SKOR2: variants seen among roughly 807,000 people sequenced by gnomAD.
SKOR2 encodes LBX1 corepressor 1-like protein.
Under a neutral mutation model 69.1 loss-of-function variants are expected in SKOR2, and 47 were observed. The observed-to-expected ratio is 0.68, with a 90% CI of 0.54 to 0.87. The LOEUF (loss-of-function observed/expected upper bound fraction) is 0.87, where lower values mean the gene tolerates loss of function less well. Ranked by LOEUF, SKOR2 falls within the 40% of genes least tolerant of loss-of-function variation. The pLI is 0.00. For missense variants in SKOR2, 1,404 were observed against 1,472.2 expected, an observed-to-expected ratio of 0.95 and a Z score of 0.76; for synonymous variants, 717 against 672.6, an observed-to-expected ratio of 1.07 and a Z score of -1.02.
intron 4 of SKOR2, among the ~76,000 whole-genome samples, chr18:47,232,253 C>T (rs1238891646): frequency 2.0e-5 from 3 of 152,194 alleles, no homozygotes; most frequent in South Asian, 2.1e-4. Flanking sequence ...TATCTCTTAA[C>T]TGCTCTTCCT....
In SKOR2 at chr18:47,246,795, C is replaced by T. The variant is rs968480059; in HGVS notation, c.2389G>A (p.Gly797Arg). Residue 797 changes from glycine to arginine, a missense_variant, in exon 2 of 9, where the codon GGG becomes AGG. By Grantham distance (125) the Gly-to-Arg change is moderately radical. Coordinates refer to ENST00000425639, the MANE Select transcript of SKOR2 (RefSeq NM_001278063.4). ...FLQGRGPSEKGSSRDRAPAVA... is the reference protein window; with the variant it reads ...FLQGRGPSEKRSSRDRAPAVA... Reference sequence around the variant, plus strand: ...GCCGGCGCGCGGTCCCGGCTGCTCCCCTTCTCCGACGGCCCTCGGCCCTGG... The same window carrying T: ...GCCGGCGCGCGGTCCCGGCTGCTCCTCTTCTCCGACGGCCCTCGGCCCTGG... The T allele has an allele frequency of 7.1e-7, 1 of 1,414,274 alleles. No individual in the cohort carries two copies. The highest frequency in any genetic ancestry group is 9.1e-7 in the Non-Finnish European group (1 of 1,093,538). 87.6% of individuals were successfully genotyped at this position (1,414,274 alleles called of 1,614,324 possible). A position where few individuals can be genotyped will look rare whatever the true frequency, so the allele number is the denominator to read the frequency against.
intron 8 of SKOR2, among the ~76,000 whole-genome samples, chr18:47,210,749 T>C (rs997185252): frequency 6.6e-6 from 1 of 152,162 alleles, no homozygotes; most frequent in Non-Finnish European, 1.5e-5. Context: ...AATAACTTCA[T>C]AGAGATGGAA....
At chr18:47,224,859 A>G (rs916179491) in intron 6 of SKOR2, among the ~76,000 whole-genome samples, 1 of 152,076 alleles carries the variant, frequency 6.6e-6, no homozygotes, top group Non-Finnish European at 1.5e-5. Context: ...GGCTCAAGCA[A>G]TCCTCCTGCC....
chr18:47,247,174 C>CG lies in SKOR2; in HGVS notation c.2009dup (p.Gln671AlafsTer94). ...GCAGCAGAAGCGGCGACGGCGGCTGCGGGGGGTGGTGGTGGTGGTGGTGGT... is the reference window on the plus strand; with the variant it reads ...GCAGCAGAAGCGGCGACGGCGGCTGCGGGGGGGTGGTGGTGGTGGTGGTGGT... On this transcript the variant is annotated frameshift_variant, in exon 2 of 9. Coordinates refer to ENST00000425639, the MANE Select transcript of SKOR2 (RefSeq NM_001278063.4). LOFTEE classifies it high-confidence loss of function. This position sits in a 1 kb window ranked among gnomAD's most constrained non-coding sequence, Gnocchi z 6.6. 1 of 345,056 alleles carries CG rather than the reference C, an allele frequency of 2.9e-6. No individual in the cohort carries two copies. Among genetic ancestry groups the CG allele is most frequent in the South Asian group, 7.0e-5 (1 of 14,328 alleles). 21.4% of individuals were successfully genotyped at this position (345,056 alleles called of 1,614,324 possible).
intron 4 of SKOR2, among the ~76,000 whole-genome samples, chr18:47,239,417 G>GA (rs543977489): frequency 4.7e-5 from 7 of 150,346 alleles, no homozygotes; most frequent in African/African-American, 7.3e-5. Flanking sequence ...CTCCATTAGT[G>GA]AAAAAAAAAG....
In SKOR2 at chr18:47,246,633, T is replaced by TGCCGCC. The variant is rs1256301376; in HGVS notation, c.2545_2550dup (p.Gly849_Gly850dup). On this transcript the variant is annotated inframe_insertion, in exon 2 of 9. Coordinates refer to ENST00000425639, the MANE Select transcript of SKOR2 (RefSeq NM_001278063.4). ...TGAACTGGGCTGCCCGGGCTGCTGCTGCCGCCGCCACTCGCCTTCTGGGGG... is the reference window on the plus strand; with the variant it reads ...TGAACTGGGCTGCCCGGGCTGCTGCTGCCGCCGCCGCCGCCACTCGCCTTCTGGGGG... 2 of 1,517,138 alleles carry TGCCGCC rather than the reference T, an allele frequency of 1.3e-6. No homozygotes were observed. The highest frequency in any genetic ancestry group is 1.8e-6 in the Non-Finnish European group (2 of 1,138,698). 94.0% of individuals were successfully genotyped at this position (1,517,138 alleles called of 1,614,324 possible).
At chr18:47,236,090 T>A (rs1162530193) in intron 4 of SKOR2, among the ~76,000 whole-genome samples, 3 of 152,168 alleles carry the variant, frequency 2.0e-5, no homozygotes, top group Non-Finnish European at 1.5e-5. Context: ...GCTCAGGTAA[T>A]CCTCTCACCT....
rs1056554363 is a variant in SKOR2 at position 47,248,323 on chromosome 18, C to T, written c.861G>A (p.Pro287=). ...CCAAGGGCGGCGGTGGCGGCGGCGG[C>T]GGCGGGGGCGCACCCAGCAGGTGGG... ...LGPHLLGAPP[P]PPPPPPPLAE... The change falls in exon 2 of 9, where the codon CCG becomes CCA. Residue 287 remains proline (P), a synonymous_variant. Transcript: ENST00000425639. The surrounding 1 kb of genome is among the most constrained non-coding windows in gnomAD (Gnocchi z 6.4). The T allele has an allele frequency of 2.9e-5, 35 of 1,198,578 alleles. No homozygotes were observed. The highest frequency in any genetic ancestry group is 4.5e-5 in the Admixed American group (1 of 22,186). 74.2% of individuals were successfully genotyped at this position (1,198,578 alleles called of 1,614,324 possible). A position where few individuals can be genotyped will look rare whatever the true frequency, so the allele number is the denominator to read the frequency against.
chr18:47,207,741 T>C (rs2064117170), intron 8 of SKOR2, among the ~76,000 whole-genome samples: 3 of 152,192 alleles, frequency 2.0e-5, no homozygotes, highest in Admixed American at 6.6e-5. Context: ...CCAATATCCT[T>C]TTTTAAAAGA....
intron 7 of SKOR2, among the ~76,000 whole-genome samples, chr18:47,217,748 C>T (rs1310320477): frequency 6.7e-6 from 1 of 149,904 alleles, no homozygotes; most frequent in Non-Finnish European, 1.5e-5. Context: ...GGGGAAGAAG[C>T]AGGAGGGACA....
In SKOR2 at chr18:47,247,046, T is replaced by C. The variant is rs1450648812; in HGVS notation, c.2138A>G (p.His713Arg). ...TCCCCCGGGAGACAGAAGGCCTCGG[T>C]GGTGCGGGTGCTGGGCCAGAGGGGG... ...PPPPLAQHPH[H>R]RGLLSPGGTS... Residue 713 changes from histidine (H) to arginine (R), a missense_variant, in exon 2 of 9, where the codon CAC becomes CGC. Transcript: ENST00000425639. This position sits in a 1 kb window ranked among gnomAD's most constrained non-coding sequence, Gnocchi z 6.6. The C allele has an allele frequency of 1.9e-5, 26 of 1,400,824 alleles. No individual in the cohort carries two copies. In the Admixed American group the frequency reaches 5.6e-4, roughly 30 times the overall value. The allele number at this position is 1,400,824 out of a possible 1,614,324, so 86.8% of individuals were successfully genotyped here.
rs1383341439 is a variant in SKOR2 at position 47,248,341 on chromosome 18, C to A, written c.843G>T (p.Leu281=). 4.6e-5 allele frequency: 56 copies of A among 1,210,368 alleles called. No homozygotes were observed. Among genetic ancestry groups the A allele is most frequent in the Non-Finnish European group, 5.6e-5 (55 of 977,950 alleles). The allele number at this position is 1,210,368 out of a possible 1,614,324, so 75.0% of individuals were successfully genotyped here. ...AGGGGLLGPH[L]LGAPPPPPPP... ...GCGGCGGCGGCGGGGGCGCACCCAGCAGGTGGGGGCCCAGCAGACCCCCGC... is the reference window on the plus strand; with the variant it reads ...GCGGCGGCGGCGGGGGCGCACCCAGAAGGTGGGGGCCCAGCAGACCCCCGC... Residue 281 remains leucine, a synonymous_variant, in exon 2 of 9, where the codon CTG becomes CTT. Transcript: ENST00000425639. The surrounding 1 kb of genome is among the most constrained non-coding windows in gnomAD (Gnocchi z 6.4).
In SKOR2 at chr18:47,241,725, TTATTTTGA is replaced by T. The variant is rs1220724821; in HGVS notation, c.2752+3175_2752+3182del. 4.6e-5 allele frequency among the ~76,000 whole-genome samples: 7 copies of T among 152,344 alleles called. No homozygotes were observed. In the East Asian group the frequency reaches 1.3e-3, roughly 29 times the overall value. On this transcript the variant is annotated intron_variant, in intron 4 of 8. Transcript: ENST00000425639. Reference sequence around the variant, plus strand: ...AGTATAGCCTTCACCTGAAATTTGCTTATTTTGATAATATATTTTTATCCCTTCCATGT... The same window carrying T: ...AGTATAGCCTTCACCTGAAATTTGCTTAATATATTTTTATCCCTTCCATGT...
intron 7 of SKOR2, among the ~76,000 whole-genome samples, chr18:47,218,746 T>G (rs1326317400): frequency 6.6e-6 from 1 of 152,186 alleles, no homozygotes; most frequent in Non-Finnish European, 1.5e-5. Flanking sequence ...ATAGCTCTTA[T>G]TATCAAGGAA....
At chr18:47,235,427 A>C (rs2064218175) in intron 4 of SKOR2, among the ~76,000 whole-genome samples, 1 of 152,206 alleles carries the variant, frequency 6.6e-6, no homozygotes, top group South Asian at 2.1e-4. Flanking sequence ...GGACTTTCCA[A>C]GTGCACATTT....
At chr18:47,228,064 T>G (rs1423496628) in intron 6 of SKOR2, among the ~76,000 whole-genome samples, 1 of 152,206 alleles carries the variant, frequency 6.6e-6, no homozygotes, top group African/African-American at 2.4e-5. Flanking sequence ...CCGATGAGGC[T>G]TTGCAAATCT....
intron 7 of SKOR2, among the ~76,000 whole-genome samples, chr18:47,215,352 C>T (rs2064140802): frequency 6.6e-6 from 1 of 151,986 alleles, no homozygotes; most frequent in African/African-American, 2.4e-5. Context: ...AGTAATGGTC[C>T]TATCTACCTT....
At chr18:47,226,981 C>T (rs2064180823) in intron 6 of SKOR2, among the ~76,000 whole-genome samples, 1 of 152,196 alleles carries the variant, frequency 6.6e-6, no homozygotes, top group East Asian at 1.9e-4. Context: ...AAATGCCTGC[C>T]TTGCCTTGCT....
At chr18:47,245,649 A>C in intron 2 of SKOR2, 88 bp from the exon 3 acceptor site, 1 of 1,265,386 alleles carries the variant, frequency 7.9e-7, no homozygotes, top group South Asian at 1.5e-5. Context: ...AGCATCAATA[A>C]AAGTGACTCC....
Sources: gnomAD v4.1 joint callset for allele counts (sites outside exome capture counted in the v4.1 genomes callset) on GRCh38, gnomAD v4.1.1 for gene constraint, Gnocchi (gnomAD v3.1) non-coding constraint, MANE v1.5 for transcripts, NCBI Gene and HGNC (gene_info 2026-07-23, HGNC 2026-07-21) for gene names.